Variants in TUBA8 observed in about 807,000 individuals in gnomAD.
TUBA8 encodes tubulin alpha 8.
In TUBA8, 29 loss-of-function variants were observed where a neutral mutation model predicts 34.7. The observed-to-expected ratio is 0.84, with a 90% confidence interval of 0.62 to 1.14. The LOEUF (loss-of-function observed/expected upper bound fraction) is 1.14, where lower values mean the gene tolerates loss of function less well. TUBA8 is among the 50% of genes most tolerant of loss of function. The pLI is 0.00. For missense variants in TUBA8, 541 were observed against 599.2 expected, an observed-to-expected ratio of 0.90 and a Z score of 1.01; for synonymous variants, 226 against 231.2, an observed-to-expected ratio of 0.98 and a Z score of 0.21.
Position 18,131,558 on chromosome 22 carries a change from T to A in TUBA8, c.*422T>A. On this transcript the variant is annotated 3_prime_UTR_variant, in exon 5 of 5. Transcript: ENST00000330423. This position sits in a 1 kb window ranked among gnomAD's most constrained non-coding sequence, Gnocchi z 5.3. ...AGGGGTGAGCGGACGTTCACATGAG[T>A]GGGTCTATAGCCCGCTCCGGGCATC... The A allele has an allele frequency of 3.5e-6, 1 of 283,834 alleles. No homozygotes were observed. Among genetic ancestry groups the A allele is most frequent in the African/African-American group, 2.2e-5 (1 of 45,754 alleles). The allele number at this position is 283,834 out of a possible 1,614,324, so 17.6% of individuals were successfully genotyped here.
chr22:18,130,715 T>G (rs937147256), intron 4 of TUBA8, 128 bp from the exon 5 acceptor site: 2 of 1,229,470 alleles, frequency 1.6e-6, no homozygotes, highest in Admixed American at 1.9e-5. Context: ...TTGCATCCCA[T>G]AGCCCCACTC....
chr22:18,116,566 T>C (rs1350244294), intron 1 of TUBA8: 1 of 152,234 alleles, frequency 6.6e-6, no homozygotes, highest in African/African-American at 2.4e-5. Context: ...TCGTAAATGT[T>C]TGTAGCCAAT....
At position 18,121,217 on chromosome 22, in the gene TUBA8, A is replaced by G; in HGVS notation, c.4-262A>G. ...ATTAGCCCCTTGCTTCATCTTTGCA[A>G]CCACCCTCCTTTTTTCTTTCCTGGT... On this transcript the variant is annotated intron_variant, in intron 1 of 4. Transcript: ENST00000330423. This position sits in a 1 kb window ranked among gnomAD's most constrained non-coding sequence, Gnocchi z 4.8. The G allele has an allele frequency of 2.1e-6, 1 of 484,210 alleles. No homozygotes were observed. The highest frequency in any genetic ancestry group is 3.8e-6 in the Non-Finnish European group (1 of 264,488). 30.0% of individuals were successfully genotyped at this position (484,210 alleles called of 1,614,324 possible). A position where few individuals can be genotyped will look rare whatever the true frequency, so the allele number is the denominator to read the frequency against.
intron 1 of TUBA8, chr22:18,112,644 T>C (rs1411071935): frequency 6.6e-6 from 1 of 152,236 alleles, no homozygotes; most frequent in Non-Finnish European, 1.5e-5. Context: ...ACAGCAAAAC[T>C]TTATTTTGAA....
rs1414502928 is a variant in TUBA8, at chr22:18,119,752, C to T, written c.4-1727C>T. 1 of 152,372 alleles carries T rather than the reference C, an allele frequency of 6.6e-6. No individual in the cohort carries two copies. Among genetic ancestry groups the T allele is most frequent in the African/African-American group, 2.4e-5 (1 of 41,460 alleles). 9.4% of individuals were successfully genotyped at this position (152,372 alleles called of 1,614,324 possible). On this transcript the variant is annotated intron_variant, in intron 1 of 4. Coordinates refer to ENST00000330423, the MANE Select transcript of TUBA8 (RefSeq NM_018943.3). The surrounding 1 kb of genome is among the most constrained non-coding windows in gnomAD (Gnocchi z 5.9). Reference sequence around the variant, plus strand: ...GGGGGCAATGGTCCTGATGCTCTGACCCCGCAAGATGCTACTCAGGGCAGC... The same window carrying T: ...GGGGGCAATGGTCCTGATGCTCTGATCCCGCAAGATGCTACTCAGGGCAGC...
Position 18,130,956 on chromosome 22 carries a change from C to T in TUBA8, c.1170C>T (p.Arg390=). The change falls in exon 5 of 5, where the codon CGC becomes CGT. Residue 390 remains arginine, a synonymous_variant. Coordinates refer to ENST00000330423, the MANE Select transcript of TUBA8 (RefSeq NM_018943.3). ...NTTAIAEAWA[R]LDHKFDLMYA... The stretch of plus-strand genomic sequence containing the variant: ...CGGCCATTGCGGAGGCCTGGGCCCG[C>T]CTCGACCACAAGTTCGACCTCATGT... The T allele has an allele frequency of 1.2e-6, 2 of 1,614,110 alleles. No homozygotes were observed. Among genetic ancestry groups the T allele is most frequent in the South Asian group, 1.1e-5 (1 of 91,078 alleles).
rs891307625 is a variant in TUBA8 at position 18,130,689 on chromosome 22, A to T, written c.1057-154A>T. 4.3e-6 allele frequency: 4 copies of T among 937,652 alleles called. No individual in the cohort carries two copies. The African/African-American group carries it at 5.0e-5, about 12-fold the overall frequency. 58.1% of individuals were successfully genotyped at this position (937,652 alleles called of 1,614,324 possible). A position where few individuals can be genotyped will look rare whatever the true frequency, so the allele number is the denominator to read the frequency against. ...TCCCTTGCCACCTGCTGGCTTCCCC[A>T]GTCCCATCCCGCCTGTTGCATCCCA... On this transcript the variant is annotated intron_variant, in intron 4 of 4. Transcript: ENST00000330423.
chr22:18,123,720 G>A (rs539899252), intron 2 of TUBA8: 5 of 231,260 alleles, frequency 2.2e-5, no homozygotes, highest in East Asian at 2.0e-4. Context: ...GACTACAGGC[G>A]CACGCTGCCA....
chr22:18,113,397 G>C (rs1927870399), intron 1 of TUBA8: 1 of 152,202 alleles, frequency 6.6e-6, no homozygotes, highest in Non-Finnish European at 1.5e-5. Flanking sequence ...CTCAGACTAT[G>C]ACACCTTTTT....
rs455576 is a variant in TUBA8 at position 18,126,320 on chromosome 22, T to C, written c.376-34T>C. 8.5e-4 allele frequency: 1,369 copies of C among 1,610,910 alleles called. 1 individual carries two copies. The African/African-American group carries it at 0.015, about 17-fold the overall frequency. ...TGTGGGGTGTTCTCGGAAACTTGTC[T>C]TCATGATTTCTTCTCATGTCCTGCT... On this transcript the variant is annotated intron_variant, in intron 3 of 4. Coordinates refer to ENST00000330423, the MANE Select transcript of TUBA8 (RefSeq NM_018943.3). This position sits in a 1 kb window ranked among gnomAD's most constrained non-coding sequence, Gnocchi z 4.0.
Position 18,126,025 on chromosome 22 carries a change from T to A in TUBA8, c.376-329T>A. On this transcript the variant is annotated intron_variant, in intron 3 of 4. Transcript: ENST00000330423. The surrounding 1 kb of genome is among the most constrained non-coding windows in gnomAD (Gnocchi z 4.0). ...TACAGGTGTGCATCACCACGCCCAGTTAACTTTTAAAATTTTTTGTAGATG... is the reference window on the plus strand; with the variant it reads ...TACAGGTGTGCATCACCACGCCCAGATAACTTTTAAAATTTTTTGTAGATG... 1 of 351,528 alleles carries A rather than the reference T, an allele frequency of 2.8e-6. No individual in the cohort carries two copies. The highest frequency in any genetic ancestry group is 5.4e-6 in the Non-Finnish European group (1 of 185,672). 21.8% of individuals were successfully genotyped at this position (351,528 alleles called of 1,614,324 possible).
chr22:18,131,614 T>C lies in TUBA8; in HGVS notation c.*478T>C. ...GACTTAGCATGCATTCACTCCCCCA[T>C]CACATATTCCAATACACACCCTGTC... On this transcript the variant is annotated 3_prime_UTR_variant, in exon 5 of 5. Coordinates refer to ENST00000330423, the MANE Select transcript of TUBA8 (RefSeq NM_018943.3). The surrounding 1 kb of genome is among the most constrained non-coding windows in gnomAD (Gnocchi z 5.3). 1 of 216,046 alleles carries C rather than the reference T, an allele frequency of 4.6e-6. No homozygotes were observed. The highest frequency in any genetic ancestry group is 7.9e-5 in the South Asian group (1 of 12,722). The allele number at this position is 216,046 out of a possible 1,614,324, so 13.4% of individuals were successfully genotyped here.
intron 4 of TUBA8, 89 bp downstream of exon 4, chr22:18,127,123 C>A: frequency 1.5e-6 from 2 of 1,377,756 alleles, no homozygotes; most frequent in Admixed American, 1.8e-5. Flanking sequence ...GCGCTTCAGG[C>A]TTTATGTGAT....
In TUBA8 at chr22:18,110,846, G is replaced by A; in HGVS notation, c.-20G>A. 1.9e-6 allele frequency: 3 copies of A among 1,543,690 alleles called. No individual in the cohort carries two copies. The highest frequency in any genetic ancestry group is 2.6e-6 in the Non-Finnish European group (3 of 1,150,600). On this transcript the variant is annotated 5_prime_UTR_variant, in exon 1 of 5. Coordinates refer to ENST00000330423, the MANE Select transcript of TUBA8 (RefSeq NM_018943.3). This position sits in a 1 kb window ranked among gnomAD's most constrained non-coding sequence, Gnocchi z 6.2. ...GGGCAGGCCCAGCTGAGAGGTGCGC[G>A]GGCGAGGACAGCGGCAGCGATGGTG...
Position 18,124,110 on chromosome 22 carries a change from C to T in TUBA8, c.227-46C>T. 2 of 1,613,024 alleles carry T rather than the reference C, an allele frequency of 1.2e-6. No individual in the cohort carries two copies. The highest frequency in any genetic ancestry group is 1.7e-6 in the Non-Finnish European group (2 of 1,179,284). Reference sequence around the variant, plus strand: ...TGCGGTAGTGTGGTAGGGAGGGAGGCTTCTCCCCTGGGCAGTAGGACCTAA... The same window carrying T: ...TGCGGTAGTGTGGTAGGGAGGGAGGTTTCTCCCCTGGGCAGTAGGACCTAA... On this transcript the variant is annotated intron_variant, in intron 2 of 4. Transcript: ENST00000330423. This position sits in a 1 kb window ranked among gnomAD's most constrained non-coding sequence, Gnocchi z 4.3.
Position 18,131,299 on chromosome 22 carries a change from G to T in TUBA8, c.*163G>T. ...CAGGGTGGCACGACTGGGCTAAGTG[G>T]ACACTGAGCTTCATCAGGCCCTCCC... On this transcript the variant is annotated 3_prime_UTR_variant, in exon 5 of 5. Coordinates refer to ENST00000330423, the MANE Select transcript of TUBA8 (RefSeq NM_018943.3). This position sits in a 1 kb window ranked among gnomAD's most constrained non-coding sequence, Gnocchi z 5.3. 1.4e-6 allele frequency: 1 copy of T among 693,210 alleles called. No homozygotes were observed. Among genetic ancestry groups the T allele is most frequent in the Non-Finnish European group, 2.5e-6 (1 of 407,802 alleles). 42.9% of individuals were successfully genotyped at this position (693,210 alleles called of 1,614,324 possible).
At position 18,121,325 on chromosome 22, in the gene TUBA8, C is replaced by T. The variant is rs1928137719; in HGVS notation, c.4-154C>T. 1 of 670,910 alleles carries T rather than the reference C, an allele frequency of 1.5e-6. No individual in the cohort carries two copies. The highest frequency in any genetic ancestry group is 1.8e-5 in the African/African-American group (1 of 56,254). The allele number at this position is 670,910 out of a possible 1,614,324, so 41.6% of individuals were successfully genotyped here. A position where few individuals can be genotyped will look rare whatever the true frequency, so the allele number is the denominator to read the frequency against. On this transcript the variant is annotated intron_variant, in intron 1 of 4. Transcript: ENST00000330423. The surrounding 1 kb of genome is among the most constrained non-coding windows in gnomAD (Gnocchi z 4.8). ...TCTTTGGATCTAAGTCCTGGTCCAG[C>T]TGCTATAGAGCTGGGGCACCTGCAG...
chr22:18,131,049 C>G lies in TUBA8; in HGVS notation c.1263C>G (p.Ala421=), dbSNP rs1352755513. ...EGMEEGEFSE[A]REDLAALEKD... ...TGGAAGAAGGAGAATTTTCTGAGGC[C>G]AGGGAAGACTTAGCTGCCCTGGAGA... Residue 421 remains alanine, a synonymous_variant, in exon 5 of 5, where the codon GCC becomes GCG. Coordinates refer to ENST00000330423, the MANE Select transcript of TUBA8 (RefSeq NM_018943.3). The surrounding 1 kb of genome is among the most constrained non-coding windows in gnomAD (Gnocchi z 5.3). 6.2e-7 allele frequency: 1 copy of G among 1,614,172 alleles called. No homozygotes were observed.
intron 4 of TUBA8, chr22:18,127,440 C>T (rs1928364995): frequency 5.4e-6 from 1 of 186,398 alleles, no homozygotes; most frequent in East Asian, 1.7e-4. Context: ...GTCACCCAGG[C>T]TGGAGTGCAG....
Sources: allele counts gnomAD v4.1 joint callset, GRCh38; gene constraint gnomAD v4.1.1; non-coding constraint Gnocchi (gnomAD v3.1); transcripts MANE v1.5; gene names NCBI Gene and HGNC (gene_info 2026-07-23, HGNC 2026-07-21).